CD163L1: variants seen among roughly 807,000 people sequenced by gnomAD.
CD163L1 encodes scavenger receptor cysteine-rich type 1 protein M160.
A neutral mutation model predicts 165.4 loss-of-function variants in CD163L1; 124 were observed. The ratio of observed to expected loss-of-function variants is 0.75; its 90% CI spans 0.65 to 0.87. CD163L1 has a LOEUF of 0.87. CD163L1 is among the 40% of genes least tolerant of loss of function. The pLI is 0.00. For synonymous variants in CD163L1, 585 were observed against 662.2 expected, an observed-to-expected ratio of 0.88 and a Z score of 1.79; for missense variants, 1,525 against 1,799.9, an observed-to-expected ratio of 0.85 and a Z score of 2.76.
intron 6 of CD163L1, among the ~76,000 whole-genome samples, chr12:7,399,529 CTCTT>C (rs769107477): frequency 0.036 from 523 of 14,456 alleles, 3 homozygotes; most frequent in Non-Finnish European, 0.059. Flanking sequence ...CTCTTTCTTT[CTCTT>C]TCTTTCTTTC....
intron 18 of CD163L1, among the ~76,000 whole-genome samples, chr12:7,366,642 A>T (rs369245039): frequency 6.6e-6 from 1 of 152,164 alleles, no homozygotes; most frequent in South Asian, 2.1e-4. Context: ...TATTCAGTAA[A>T]ATACATTCTC....
chr12:7,328,186 C>A, the CD163L1 span: 6 of 860,850 alleles, frequency 7.0e-6, no homozygotes, highest in Non-Finnish European at 1.8e-6. Flanking sequence ...ATAATCTCGA[C>A]TTTAAAATTC....
intron 4 of CD163L1, among the ~76,000 whole-genome samples, chr12:7,415,021 CT>C (rs1220695714): frequency 1.3e-5 from 2 of 151,972 alleles, no homozygotes; most frequent in African/African-American, 4.8e-5. Context: ...AAGTATAAAG[CT>C]AGTAAAAAAT....
chr12:7,383,762 C>G (rs766471076), intron 8 of CD163L1, among the ~76,000 whole-genome samples: 126 of 152,266 alleles, frequency 8.3e-4, no homozygotes, highest in African/African-American at 3.0e-3. Flanking sequence ...CACCCAGGAT[C>G]AAAGATAAAC....
the CD163L1 span, among the ~76,000 whole-genome samples, chr12:7,329,830 T>C: frequency 2.0e-5 from 3 of 152,160 alleles, no homozygotes; most frequent in Non-Finnish European, 4.4e-5. Context: ...AGAGCTTGTA[T>C]AACAACCGAG....
intron 4 of CD163L1, among the ~76,000 whole-genome samples, chr12:7,422,426 TAG>T (rs907042992): frequency 3.3e-5 from 5 of 151,702 alleles, no homozygotes; most frequent in African/African-American, 1.2e-4. Context: ...GGCACAAAAC[TAG>T]AGAGAATGAG....
intron 4 of CD163L1, among the ~76,000 whole-genome samples, chr12:7,408,080 T>C (rs1453818315): frequency 1.4e-5 from 2 of 146,422 alleles, no homozygotes; most frequent in Non-Finnish European, 3.0e-5. Context: ...ACACTACATA[T>C]ATATATATAT....
In CD163L1 at chr12:7,406,640, C is replaced by A. The variant is rs1591934990; in HGVS notation, c.979G>T (p.Asp327Tyr). ...TCATTACCGGAGCAGGAGACACCATCAAGCCATACAACATCAGACCCTGAC... is the reference window on the plus strand; with the variant it reads ...TCATTACCGGAGCAGGAGACACCATAAAGCCATACAACATCAGACCCTGAC... ...LQSGSDVVWL[D>Y]GVSCSGNESF... Residue 327 changes from aspartate to tyrosine, a missense_variant, in exon 5 of 20, where the codon GAT becomes TAT. Transcript: ENST00000313599. 1.9e-6 allele frequency: 3 copies of A among 1,614,098 alleles called. No individual in the cohort carries two copies. The highest frequency in any genetic ancestry group is 2.5e-6 in the Non-Finnish European group (3 of 1,180,002).
At chr12:7,322,501 C>A in the CD163L1 span, 1 of 1,613,858 alleles carries the variant, frequency 6.2e-7, no homozygotes, top group Non-Finnish European at 8.5e-7. Context: ...AGGGTGCAAA[C>A]TGGGCTGGAG....
At position 7,374,130 on chromosome 12, in the gene CD163L1, G is replaced by A. The variant is rs1359247416; in HGVS notation, c.3409+312C>T. ...AAACAAAACAAAACAACAAAATAAG[G>A]CAGATTGGACACGGTTGACAGTGTG... On this transcript the variant is annotated intron_variant, in intron 13 of 19. Transcript: ENST00000313599. The surrounding 1 kb of genome is among the most constrained non-coding windows in gnomAD (Gnocchi z 5.4). 1.3e-5 allele frequency among the ~76,000 whole-genome samples: 2 copies of A among 152,114 alleles called. No individual in the cohort carries two copies. Among genetic ancestry groups the A allele is most frequent in the East Asian group, 3.9e-4 (2 of 5,194 alleles).
chr12:7,421,057 G>GTATATATGTATATATACGTATATACGTA (rs1948353567), intron 4 of CD163L1, among the ~76,000 whole-genome samples: 2 of 79,396 alleles, frequency 2.5e-5, no homozygotes, highest in Non-Finnish European at 4.2e-5. Flanking sequence ...ATGTATATAC[G>GTATATATGTATATATACGTATATACGTA]TATATATGTA....
intron 6 of CD163L1, among the ~76,000 whole-genome samples, chr12:7,399,468 T>C (rs1270650494): frequency 6.6e-6 from 1 of 151,328 alleles, no homozygotes; most frequent in Non-Finnish European, 1.5e-5. Context: ...TTTCCCTTCT[T>C]TCCTTCCTTC....
At chr12:7,437,234 T>TTAAATACTATTTAAATACTATTTAAA (rs59255395) in intron 2 of CD163L1, among the ~76,000 whole-genome samples, 27 of 120,600 alleles carry the variant, frequency 2.2e-4, no homozygotes, top group African/African-American at 1.1e-3. Context: ...TTAAAAGTAT[T>TTAAATACTATTTAAATACTATTTAAA]TACTTTTAAA....
intron 4 of CD163L1, among the ~76,000 whole-genome samples, chr12:7,411,496 G>C (rs1948137189): frequency 6.6e-6 from 1 of 152,086 alleles, no homozygotes; most frequent in African/African-American, 2.4e-5. Flanking sequence ...TGAGTTCATA[G>C]GGGAGCTGGT....
chr12:7,373,173 T>C, intron 14 of CD163L1, 147 bp downstream of exon 14: 1 of 618,694 alleles, frequency 1.6e-6, no homozygotes. Context: ...AAAATTTCAA[T>C]ATAGAACAGA....
the CD163L1 span, chr12:7,328,296 G>T: frequency 2.5e-6 from 4 of 1,584,930 alleles, no homozygotes; most frequent in East Asian, 6.9e-5. Context: ...GGTGGAATTT[G>T]TTCAAGAACT....
At chr12:7,409,993 T>C (rs1272194263) in intron 4 of CD163L1, among the ~76,000 whole-genome samples, 1 of 151,936 alleles carries the variant, frequency 6.6e-6, no homozygotes, top group East Asian at 1.9e-4. Flanking sequence ...CCTTAATATA[T>C]GTACGACAAA....
At position 7,375,359 on chromosome 12, in the gene CD163L1, G is replaced by T. The variant is rs752599219; in HGVS notation, c.2923C>A (p.Leu975Ile). 4 of 1,614,044 alleles carry T rather than the reference G, an allele frequency of 2.5e-6. No individual in the cohort carries two copies. In the East Asian group the frequency reaches 6.7e-5, roughly 27 times the overall value. ...ACTGTCATTTGACAGTTATCCAGAA[G>T]TGACTCATTCCCTAAGCAATGAAAC... is the stretch of plus-strand genomic sequence containing the variant. Reference protein sequence around the residue: ...HRFHCLGNESLLDNCQMTVLG... With the variant: ...HRFHCLGNESILDNCQMTVLG... Residue 975 changes from leucine to isoleucine, a missense_variant, in exon 11 of 20, where the codon CTT becomes ATT. Leu to Ile is a conservative substitution (Grantham distance 5). Transcript: ENST00000313599.
At chr12:7,349,011 G>A (rs188025836) in intron 4 of CD163L1, among the ~76,000 whole-genome samples, 47 of 152,096 alleles carry the variant, frequency 3.1e-4, no homozygotes, top group African/African-American at 8.2e-4. Flanking sequence ...TGAGGTAGAC[G>A]GTGAATCTGG....
Sources: allele counts gnomAD v4.1 joint callset (sites outside exome capture counted in the v4.1 genomes callset), GRCh38; gene constraint gnomAD v4.1.1; non-coding constraint Gnocchi (gnomAD v3.1); transcripts MANE v1.5; gene names NCBI Gene and HGNC (gene_info 2026-07-23, HGNC 2026-07-21).